Variants in FCHO2 observed in about 807,000 individuals in gnomAD.
FCHO2 encodes F-BAR domain only protein 2.
Under a neutral mutation model 114.1 loss-of-function variants are expected in FCHO2, and 43 were observed. That is an observed-to-expected ratio of 0.38 (90% confidence interval 0.30 to 0.49). The LOEUF is 0.49. FCHO2 is among the 20% of genes least tolerant of loss of function. The pLI is 0.97. For synonymous variants in FCHO2, 293 were observed against 315.2 expected (o/e 0.93, Z 0.75); for missense variants, 807 against 950.4 (o/e 0.85, Z 1.98).
intron 1 of FCHO2, among the ~76,000 whole-genome samples, chr5:72,956,521 G>A (rs1010498179): frequency 1.3e-5 from 2 of 151,994 alleles, no homozygotes; most frequent in African/African-American, 4.8e-5. Context: ...CCCGCTGCGC[G>A]CTGGCTGGGA....
intron 1 of FCHO2, among the ~76,000 whole-genome samples, chr5:72,958,197 C>T (rs971792100): frequency 2.6e-5 from 4 of 151,914 alleles, no homozygotes. Context: ...TGGTGAAGTC[C>T]ATCTTATCTA....
At position 73,006,470 on chromosome 5, in the gene FCHO2, C is replaced by A; in HGVS notation, c.521C>A (p.Thr174Lys). Residue 174 changes from threonine to lysine, a missense_variant, in exon 6 of 26, where the codon ACA becomes AAA. Thr to Lys is a moderately conservative substitution (Grantham distance 78). Transcript: ENST00000430046. Reference sequence around the variant, plus strand: ...GCAGCTGTTAAATCTAAGAAAGCTACAGATACCTATAAACTCTATGTGGAA... The same window carrying A: ...GCAGCTGTTAAATCTAAGAAAGCTAAAGATACCTATAAACTCTATGTGGAA... ...EKAAVKSKKA[T>K]DTYKLYVEKY... 6.5e-7 allele frequency: 1 copy of A among 1,549,084 alleles called. No individual in the cohort carries two copies. Among genetic ancestry groups the A allele is most frequent in the South Asian group, 1.3e-5 (1 of 77,202 alleles).
intron 11 of FCHO2, among the ~76,000 whole-genome samples, chr5:73,046,578 G>A (rs1757071518): frequency 6.6e-6 from 1 of 152,146 alleles, no homozygotes; most frequent in African/African-American, 2.4e-5. Flanking sequence ...AATACCTGGT[G>A]TGTTTTTAGG....
intron 11 of FCHO2, among the ~76,000 whole-genome samples, chr5:73,049,302 A>T (rs1375399280): frequency 6.6e-6 from 1 of 152,150 alleles, no homozygotes; most frequent in East Asian, 1.9e-4. Context: ...ACACCCCAAG[A>T]TACACGTAGC....
chr5:73,037,800 A>T (rs1417964640), intron 10 of FCHO2: 1 of 335,400 alleles, frequency 3.0e-6, no homozygotes, highest in Admixed American at 3.6e-5. Context: ...GTTGTTGCCC[A>T]GGTTGGAATG....
intron 19 of FCHO2, among the ~76,000 whole-genome samples, chr5:73,069,709 G>A (rs1742541261): frequency 6.6e-6 from 1 of 151,944 alleles, no homozygotes; most frequent in Non-Finnish European, 1.5e-5. Flanking sequence ...GTGGCCTGGG[G>A]GTTGAGGATC....
At chr5:72,972,546 G>A (rs1580013455) in intron 2 of FCHO2, among the ~76,000 whole-genome samples, 1 of 152,030 alleles carries the variant, frequency 6.6e-6, no homozygotes, top group East Asian at 1.9e-4. Flanking sequence ...TTTGTACATT[G>A]ATTTTGTATC....
At chr5:72,994,044 C>A (rs957370029) in intron 5 of FCHO2, among the ~76,000 whole-genome samples, 2 of 152,134 alleles carry the variant, frequency 1.3e-5, no homozygotes, top group Non-Finnish European at 2.9e-5. Context: ...TGGAAGACAC[C>A]TGAGGCAATA....
chr5:72,976,229 T>C (rs1044151090), intron 2 of FCHO2, among the ~76,000 whole-genome samples: 3 of 152,154 alleles, frequency 2.0e-5, no homozygotes. Context: ...TGACATATGA[T>C]GTGGAGCATC....
intron 1 of FCHO2, among the ~76,000 whole-genome samples, chr5:72,958,395 G>T (rs11738431): frequency 0.12 from 17,848 of 152,040 alleles, 1,264 homozygotes; most frequent in Non-Finnish European, 0.17. Flanking sequence ...TCATTCTTTT[G>T]CAATTGTGTA....
chr5:73,044,098 A>T (rs1344530219), intron 11 of FCHO2, among the ~76,000 whole-genome samples: 5 of 152,112 alleles, frequency 3.3e-5, no homozygotes, highest in African/African-American at 1.2e-4. Flanking sequence ...TACTCTGGCC[A>T]TGTAAGATAT....
At chr5:73,007,951 A>G (rs1754807335) in intron 6 of FCHO2, among the ~76,000 whole-genome samples, 2 of 152,162 alleles carry the variant, frequency 1.3e-5, no homozygotes, top group African/African-American at 4.8e-5. Flanking sequence ...TAATAGGGCA[A>G]GAGCGTTACA....
chr5:73,028,100 G>T (rs760823397), intron 8 of FCHO2, among the ~76,000 whole-genome samples: 32 of 152,176 alleles, frequency 2.1e-4, no homozygotes, highest in Admixed American at 5.9e-4. Flanking sequence ...GAGGCTGAGA[G>T]GGGAGTATGG....
intron 11 of FCHO2, among the ~76,000 whole-genome samples, chr5:73,048,572 T>C (rs1013731411): frequency 6.6e-6 from 1 of 152,258 alleles, no homozygotes; most frequent in African/African-American, 2.4e-5. Context: ...CCATAGTTTA[T>C]TCAGCTGTGC....
At position 72,963,243 on chromosome 5, in the gene FCHO2, G is replaced by C. The variant is rs577587872; in HGVS notation, c.34-5255G>C. 6.6e-5 allele frequency among the ~76,000 whole-genome samples: 10 copies of C among 152,248 alleles called. No homozygotes were observed. The South Asian group carries it at 1.5e-3, about 22-fold the overall frequency. ...ATAAGTAAAGCAAATTAGTGGTGGT[G>C]GTGGAGCCTTAAAACCAAGGGGAGT... On this transcript the variant is annotated intron_variant, in intron 1 of 25. Coordinates refer to ENST00000430046, the MANE Select transcript of FCHO2 (RefSeq NM_138782.3).
At chr5:73,058,103 T>C (rs1757686190) in intron 16 of FCHO2, among the ~76,000 whole-genome samples, 1 of 152,108 alleles carries the variant, frequency 6.6e-6, no homozygotes, top group Admixed American at 6.6e-5. Flanking sequence ...ACAGAACTCC[T>C]GGGCTCAAGT....
intron 23 of FCHO2, among the ~76,000 whole-genome samples, chr5:73,082,443 A>ACC (rs1222261144): frequency 4.6e-5 from 7 of 152,212 alleles, no homozygotes; most frequent in Non-Finnish European, 7.4e-5. Flanking sequence ...CGCTCTTTAT[A>ACC]GTTACTTCAT....
At chr5:73,002,673 A>G (rs770758168) in intron 5 of FCHO2, among the ~76,000 whole-genome samples, 4 of 152,212 alleles carry the variant, frequency 2.6e-5, no homozygotes, top group Admixed American at 6.5e-5. Context: ...TATATCATGA[A>G]GTGATAATTT....
In FCHO2 at chr5:73,052,491, T is replaced by C; in HGVS notation, c.1157T>C (p.Leu386Pro). Residue 386 changes from leucine (L) to proline (P), a missense_variant, in exon 13 of 26, where the codon CTC becomes CCC. Leu to Pro is a moderately conservative substitution (Grantham distance 98). Coordinates refer to ENST00000430046, the MANE Select transcript of FCHO2 (RefSeq NM_138782.3). ...ELKVSIGNIT[L>P]SPAISRHSPV... is the part of the protein sequence containing the mutation. ...AAAGTATCTATAGGGAATATAACAC[T>C]CTCCCCAGCAATATCTGTAAGTACA... The C allele has an allele frequency of 6.3e-7, 1 of 1,590,236 alleles. No individual in the cohort carries two copies. The highest frequency in any genetic ancestry group is 8.6e-7 in the Non-Finnish European group (1 of 1,167,398).
Sources: allele counts gnomAD v4.1 joint callset (sites outside exome capture counted in the v4.1 genomes callset), GRCh38; gene constraint gnomAD v4.1.1; transcripts MANE v1.5; gene names NCBI Gene and HGNC (gene_info 2026-07-23, HGNC 2026-07-21).